The following TTC28 variants were observed in gnomAD, a reference collection of about 807,000 sequenced individuals.
The protein encoded by TTC28 is tetratricopeptide repeat domain 28.
Under a neutral mutation model 198.0 loss-of-function variants are expected in TTC28, and 61 were observed. The ratio of observed to expected loss-of-function variants is 0.31; its 90% CI spans 0.25 to 0.38. The LOEUF (loss-of-function observed/expected upper bound fraction) is 0.38, where lower values mean the gene tolerates loss of function less well. TTC28 is among the 10% of genes least tolerant of loss of function. The probability of loss-of-function intolerance (pLI) is 1.00; values close to 1 mark genes in which losing one functional copy is unlikely to be tolerated. For synonymous variants in TTC28, 1,171 were observed against 1,297.8 expected (o/e 0.90, Z 2.10); for missense variants, 2,678 against 3,164.0 (o/e 0.85, Z 3.69).
intron 2 of TTC28, among the ~76,000 whole-genome samples, chr22:28,537,342 A>ATAAAATAAAATAAAATAAAATAT (rs2049316127): frequency 1.4e-5 from 2 of 146,418 alleles, no homozygotes; most frequent in Non-Finnish European, 3.1e-5. Context: ...ATAAAATAAA[A>ATAAAATAAAATAAAATAAAATAT]ACAAGAATAG....
intron 2 of TTC28, among the ~76,000 whole-genome samples, chr22:28,551,820 G>A (rs1480597962): frequency 6.6e-6 from 1 of 152,158 alleles, no homozygotes. Context: ...ACTGGAACAA[G>A]ACAAGGATGT....
chr22:28,271,220 C>A (rs1932047621), intron 5 of TTC28, among the ~76,000 whole-genome samples: 1 of 151,718 alleles, frequency 6.6e-6, no homozygotes, highest in Non-Finnish European at 1.5e-5. Context: ...TATAGGCATG[C>A]ACCACTGCAC....
At chr22:28,076,513 T>A (rs1273813970) in intron 12 of TTC28, among the ~76,000 whole-genome samples, 1 of 152,196 alleles carries the variant, frequency 6.6e-6, no homozygotes. Flanking sequence ...ATTGTATTAA[T>A]CATACATAAT....
intron 2 of TTC28, among the ~76,000 whole-genome samples, chr22:28,561,690 A>T (rs1453656966): frequency 6.6e-6 from 1 of 152,194 alleles, no homozygotes; most frequent in Non-Finnish European, 1.5e-5. Flanking sequence ...CCTCAACTGG[A>T]ACCACTGTTT....
Position 28,257,023 on chromosome 22 carries a change from G to A in TTC28, c.933+39175C>T, listed in dbSNP as rs148775120. Among the ~76,000 whole-genome samples the A allele has an allele frequency of 8.8e-3, 1,345 of 152,320 alleles. 11 individuals are homozygous for A. Among genetic ancestry groups the A allele is most frequent in the Non-Finnish European group, 0.013 (908 of 68,030 alleles). ...CCACTATACTCTAGCCTGGGTGATGGAGTGAGACCCTGTCTCTAAAAATAA... is the reference window on the plus strand; with the variant it reads ...CCACTATACTCTAGCCTGGGTGATGAAGTGAGACCCTGTCTCTAAAAATAA... On this transcript the variant is annotated intron_variant, in intron 5 of 22. Transcript: ENST00000397906.
chr22:28,605,277 TAGATA>T (rs2050711236), intron 2 of TTC28, among the ~76,000 whole-genome samples: 3 of 152,194 alleles, frequency 2.0e-5, no homozygotes, highest in Non-Finnish European at 4.4e-5. Flanking sequence ...CAAAAACTCT[TAGATA>T]AGAAATTCTC....
intron 2 of TTC28, among the ~76,000 whole-genome samples, chr22:28,350,999 G>A (rs554759696): frequency 5.3e-5 from 8 of 152,120 alleles, no homozygotes; most frequent in African/African-American, 1.4e-4. Context: ...TGGCTAACAC[G>A]GTGAAACCCT....
At chr22:28,041,550 A>G (rs1333275851) in intron 12 of TTC28, among the ~76,000 whole-genome samples, 2 of 152,214 alleles carry the variant, frequency 1.3e-5, no homozygotes, top group African/African-American at 4.8e-5. Flanking sequence ...CTGAAACTGG[A>G]TCCCTTCCTT....
intron 6 of TTC28, among the ~76,000 whole-genome samples, chr22:28,119,847 C>A (rs1315654205): frequency 2.0e-5 from 3 of 152,164 alleles, no homozygotes; most frequent in Non-Finnish European, 4.4e-5. Context: ...TAAAATAAAT[C>A]ATCAAAGCTA....
chr22:28,447,360 T>A (rs1439130033), intron 2 of TTC28, among the ~76,000 whole-genome samples: 1 of 152,208 alleles, frequency 6.6e-6, no homozygotes, highest in African/African-American at 2.4e-5. Flanking sequence ...TTCAGCAATA[T>A]CAGATCCTCT....
intron 2 of TTC28, among the ~76,000 whole-genome samples, chr22:28,354,188 C>A (rs957270239): frequency 1.3e-5 from 2 of 152,086 alleles, no homozygotes; most frequent in African/African-American, 2.4e-5. Flanking sequence ...AGGTATATAG[C>A]CCTCAAAATT....
chr22:28,031,315 T>A (rs1160879905), intron 12 of TTC28, among the ~76,000 whole-genome samples: 1 of 152,158 alleles, frequency 6.6e-6, no homozygotes, highest in East Asian at 1.9e-4. Flanking sequence ...ATCCTAGGCA[T>A]CAGGACCACA....
intron 12 of TTC28, among the ~76,000 whole-genome samples, chr22:28,035,007 G>T (rs528427404): frequency 1.3e-5 from 2 of 152,264 alleles, no homozygotes; most frequent in East Asian, 3.9e-4. Flanking sequence ...CTGTTCTTGG[G>T]GACAGGGCTT....
chr22:28,001,558 G>T lies in TTC28; in HGVS notation c.4219-5C>A, dbSNP rs1383747036. ...GCCGCTGGAGTGCATCAGGCCCTAT[G>T]GAGCAAGCACGGAGAGGCTGACATG... is the stretch of plus-strand genomic sequence containing the variant. On this transcript the variant is annotated splice_region_variant and splice_polypyrimidine_tract_variant and intron_variant, in intron 14 of 22. Coordinates refer to ENST00000397906, the MANE Select transcript of TTC28 (RefSeq NM_001145418.2). 6.5e-7 allele frequency: 1 copy of T among 1,548,332 alleles called. No homozygotes were observed. The highest frequency in any genetic ancestry group is 2.0e-5 in the Admixed American group (1 of 50,968).
At position 28,089,190 on chromosome 22, in the gene TTC28, T is replaced by C. The variant is rs561092999; in HGVS notation, c.3932+4890A>G. ...TATATACCCAAAGGACTATAAATCA[T>C]GCTGCTATAAAGACACATGCACACG... On this transcript the variant is annotated intron_variant, in intron 12 of 22. Coordinates refer to ENST00000397906, the MANE Select transcript of TTC28 (RefSeq NM_001145418.2). 9.5e-3 allele frequency among the ~76,000 whole-genome samples: 1,446 copies of C among 152,284 alleles called. 26 individuals are homozygous for C. Among genetic ancestry groups the C allele is most frequent in the African/African-American group, 0.032 (1,346 of 41,542 alleles).
chr22:28,317,274 T>C (rs1040962523), intron 2 of TTC28, among the ~76,000 whole-genome samples: 1 of 152,204 alleles, frequency 6.6e-6, no homozygotes, highest in Non-Finnish European at 1.5e-5. Context: ...ATTGATTGAT[T>C]TCCTTGTGAG....
intron 2 of TTC28, among the ~76,000 whole-genome samples, chr22:28,389,237 G>T (rs950010859): frequency 6.6e-6 from 1 of 152,076 alleles, no homozygotes; most frequent in African/African-American, 2.4e-5. Context: ...TGCTGGATTC[G>T]GTTTGCCAGT....
At chr22:28,035,166 C>G (rs1201734700) in intron 12 of TTC28, among the ~76,000 whole-genome samples, 1 of 152,210 alleles carries the variant, frequency 6.6e-6, no homozygotes, top group East Asian at 1.9e-4. Flanking sequence ...CTTTTACTAA[C>G]TCACTGTGTC....
chr22:28,313,581 C>T (rs1041413704), intron 2 of TTC28, among the ~76,000 whole-genome samples: 3 of 152,140 alleles, frequency 2.0e-5, no homozygotes, highest in Admixed American at 6.5e-5. Flanking sequence ...TAAACGTAAT[C>T]CATCACATAA....
Sources: gnomAD v4.1 joint callset for allele counts (sites outside exome capture counted in the v4.1 genomes callset) on GRCh38, gnomAD v4.1.1 for gene constraint, MANE v1.5 for transcripts, NCBI Gene and HGNC (gene_info 2026-07-23, HGNC 2026-07-21) for gene names.